NCKAP5: variants seen among roughly 807,000 people sequenced by gnomAD.
NCKAP5 encodes nck-associated protein 5.
In NCKAP5, 92 loss-of-function variants were observed where a neutral mutation model predicts 167.0. The observed-to-expected ratio is 0.55, with a 90% confidence interval of 0.47 to 0.66. The LOEUF (loss-of-function observed/expected upper bound fraction) is 0.66. Among genes scored for constraint, NCKAP5 ranks in the 30% least tolerant of loss-of-function variants. The pLI, the probability that NCKAP5 is intolerant of heterozygous loss-of-function variation, is 0.00. For missense variants in NCKAP5, 2,378 were observed against 2,315.0 expected, an observed-to-expected ratio of 1.03 and a Z score of -0.56; for synonymous variants, 891 against 877.4, an observed-to-expected ratio of 1.02 and a Z score of -0.27.
At chr2:133,556,509 A>T (rs1687748590) in intron 2 of NCKAP5, among the ~76,000 whole-genome samples, 1 of 152,216 alleles carries the variant, frequency 6.6e-6, no homozygotes, top group South Asian at 2.1e-4. Flanking sequence ...ACCCATAAAG[A>T]TAAATGTTTT....
chr2:132,789,687 C>T (rs897361161), intron 13 of NCKAP5, among the ~76,000 whole-genome samples: 7 of 152,144 alleles, frequency 4.6e-5, no homozygotes, highest in African/African-American at 1.7e-4. Flanking sequence ...GTATCTCCAG[C>T]TTTGCGAGTC....
chr2:133,328,304 G>T (rs1301132392), intron 3 of NCKAP5, among the ~76,000 whole-genome samples: 1 of 152,180 alleles, frequency 6.6e-6, no homozygotes, highest in Non-Finnish European at 1.5e-5. Flanking sequence ...GAGAATAGAG[G>T]GTTGAGGCTT....
At chr2:133,008,845 C>G (rs2149354953) in intron 6 of NCKAP5, among the ~76,000 whole-genome samples, 1 of 152,294 alleles carries the variant, frequency 6.6e-6, no homozygotes, top group Non-Finnish European at 1.5e-5. Flanking sequence ...ACTGGGGTCT[C>G]ATGAATGTGG....
At chr2:132,863,155 CTG>C (rs1284408971) in intron 10 of NCKAP5, among the ~76,000 whole-genome samples, 1 of 152,186 alleles carries the variant, frequency 6.6e-6, no homozygotes, top group African/African-American at 2.4e-5. Context: ...CAACCTCTGT[CTG>C]TGTCTCATGC....
At chr2:132,838,224 A>G (rs1043935035) in intron 11 of NCKAP5, among the ~76,000 whole-genome samples, 2 of 152,180 alleles carry the variant, frequency 1.3e-5, no homozygotes, top group Non-Finnish European at 2.9e-5. Context: ...TGGGTTCTAC[A>G]GGGAGATTTC....
the NCKAP5 span, among the ~76,000 whole-genome samples, chr2:133,649,603 T>C: frequency 1.3e-5 from 2 of 152,248 alleles, no homozygotes; most frequent in African/African-American, 4.8e-5. Flanking sequence ...TCAATTAATG[T>C]GCTACACCAC....
chr2:132,967,162 TACACACACACACACACAC>T (rs149896546), intron 7 of NCKAP5, among the ~76,000 whole-genome samples: 1 of 141,730 alleles, frequency 7.1e-6, no homozygotes, highest in Admixed American at 7.2e-5. Flanking sequence ...TGCCCTATCG[TACACACACACACACACAC>T]ACACACACAC....
intron 6 of NCKAP5, among the ~76,000 whole-genome samples, chr2:133,036,947 A>G (rs889828535): frequency 6.6e-6 from 1 of 152,084 alleles, no homozygotes; most frequent in Non-Finnish European, 1.5e-5. Context: ...ACTCTATTAG[A>G]ACTGATAAAT....
chr2:133,164,646 C>G (rs898169142), intron 5 of NCKAP5, among the ~76,000 whole-genome samples: 5 of 152,146 alleles, frequency 3.3e-5, no homozygotes, highest in Admixed American at 6.5e-5. Context: ...AGTCCAAGTT[C>G]TTGCCACTTT....
intron 4 of NCKAP5, among the ~76,000 whole-genome samples, chr2:133,262,784 T>C (rs1429657270): frequency 6.6e-6 from 1 of 152,186 alleles, no homozygotes; most frequent in Non-Finnish European, 1.5e-5. Flanking sequence ...CAGCTAAGTA[T>C]GAAATGGCAC....
At chr2:132,960,956 T>C (rs1177390856) in intron 8 of NCKAP5, among the ~76,000 whole-genome samples, 1 of 152,166 alleles carries the variant, frequency 6.6e-6, no homozygotes, top group Non-Finnish European at 1.5e-5. Context: ...GGGGTGCTGG[T>C]GGTATATTGG....
chr2:133,263,299 A>C (rs900161678), intron 4 of NCKAP5, among the ~76,000 whole-genome samples: 1 of 150,288 alleles, frequency 6.7e-6, no homozygotes, highest in Non-Finnish European at 1.5e-5. Context: ...AAAAAAAAAA[A>C]CTCTACATGT....
chr2:133,170,512 G>A (rs2084200871), intron 5 of NCKAP5, among the ~76,000 whole-genome samples: 1 of 152,182 alleles, frequency 6.6e-6, no homozygotes, highest in African/African-American at 2.4e-5. Context: ...CTGTAACGAA[G>A]TAATCTGTCC....
chr2:133,369,590 G>A (rs1685669741), intron 3 of NCKAP5, among the ~76,000 whole-genome samples: 2 of 152,202 alleles, frequency 1.3e-5, no homozygotes, highest in South Asian at 4.1e-4. Context: ...TGATGCATCA[G>A]CCATGCTCCT....
chr2:133,170,538 C>T (rs1452739357), intron 5 of NCKAP5, among the ~76,000 whole-genome samples: 1 of 152,200 alleles, frequency 6.6e-6, no homozygotes, highest in African/African-American at 2.4e-5. Flanking sequence ...CTTGCAGAAT[C>T]ATCTCTACCT....
intron 3 of NCKAP5, among the ~76,000 whole-genome samples, chr2:133,468,780 CT>C (rs1182896439): frequency 6.6e-6 from 1 of 152,156 alleles, no homozygotes; most frequent in Non-Finnish European, 1.5e-5. Flanking sequence ...ATCTTTGTCT[CT>C]TTTGATCTTT....
intron 3 of NCKAP5, among the ~76,000 whole-genome samples, chr2:133,467,343 C>T (rs1195830695): frequency 6.6e-6 from 1 of 152,124 alleles, no homozygotes; most frequent in Non-Finnish European, 1.5e-5. Flanking sequence ...ACCAGACTTG[C>T]ATCCCAGGGA....
At chr2:133,426,449 A>G (rs572632566) in intron 3 of NCKAP5, among the ~76,000 whole-genome samples, 1 of 152,084 alleles carries the variant, frequency 6.6e-6, no homozygotes, top group East Asian at 1.9e-4. Context: ...CCAAAAAAAA[A>G]AAAAAAAAGA....
At chr2:132,993,379 A>G (rs375355367) in intron 7 of NCKAP5, among the ~76,000 whole-genome samples, 1 of 152,166 alleles carries the variant, frequency 6.6e-6, no homozygotes, top group South Asian at 2.1e-4. Flanking sequence ...AATCTGGACC[A>G]TACTCAGATT....
Sources: allele counts gnomAD v4.1 joint callset (sites outside exome capture counted in the v4.1 genomes callset), GRCh38; gene constraint gnomAD v4.1.1; transcripts MANE v1.5; gene names NCBI Gene and HGNC (gene_info 2026-07-23, HGNC 2026-07-21).